Variants in DNMT3B observed in about 807,000 individuals in gnomAD.
DNMT3B encodes the protein DNA (cytosine-5)-methyltransferase 3B.
In DNMT3B, 37 loss-of-function variants were observed where a neutral mutation model predicts 120.2. The ratio of observed to expected loss-of-function variants is 0.31; its 90% CI spans 0.24 to 0.40. DNMT3B has a LOEUF of 0.40. Ranked by LOEUF, DNMT3B falls within the 10% of genes least tolerant of loss-of-function variation. The pLI is 1.00. For synonymous variants in DNMT3B, 412 were observed against 442.8 expected (o/e 0.93, Z 0.87); for missense variants, 878 against 1,137.3 (o/e 0.77, Z 3.28).
At chr20:32,792,527 T>A (rs1299871791) in intron 8 of DNMT3B, 99 bp from the exon 9 acceptor site, 6 of 1,599,110 alleles carry the variant, frequency 3.8e-6, no homozygotes, top group Non-Finnish European at 5.1e-6. Flanking sequence ...GGGCCCAGTG[T>A]GAAGGGGAAT....
At chr20:32,786,210 A>G (rs779182991) in intron 4 of DNMT3B, among the ~76,000 whole-genome samples, 16 of 152,170 alleles carry the variant, frequency 1.1e-4, no homozygotes, top group Admixed American at 2.6e-4. Context: ...TTCAATCCCA[A>G]TTGGCAGGTG....
At chr20:32,786,461 C>T (rs1158837846) in intron 4 of DNMT3B, 41 bp from the exon 5 acceptor site, 12 of 1,613,474 alleles carry the variant, frequency 7.4e-6, no homozygotes, top group Non-Finnish European at 1.0e-5. Context: ...CCCAGGCCTC[C>T]AGTCACCTAA....
At chr20:32,767,915 G>T (rs936018641) in intron 1 of DNMT3B, among the ~76,000 whole-genome samples, 11 of 152,352 alleles carry the variant, frequency 7.2e-5, no homozygotes, top group African/African-American at 2.6e-4. Context: ...GTATGTGTGT[G>T]TTCTGGGGCC....
At chr20:32,776,931 C>G (rs1988098230) in intron 1 of DNMT3B, among the ~76,000 whole-genome samples, 2 of 151,688 alleles carry the variant, frequency 1.3e-5, no homozygotes, top group Non-Finnish European at 2.9e-5. Flanking sequence ...TGCGTGTAGA[C>G]TGAAGCGGGG....
chr20:32,802,331 G>GAC (rs1981446309), intron 19 of DNMT3B, 54 bp from the exon 20 acceptor site: 1 of 1,584,814 alleles, frequency 6.3e-7, no homozygotes, highest in Non-Finnish European at 8.7e-7. Context: ...AGGTCTGGTT[G>GAC]ACACTGAAAC....
chr20:32,792,586 C>T, intron 8 of DNMT3B, 40 bp from the exon 9 acceptor site: 1 of 1,613,954 alleles, frequency 6.2e-7, no homozygotes, highest in South Asian at 1.1e-5. Flanking sequence ...CGAGCACCTC[C>T]TCCCCACCCC....
At chr20:32,789,412 G>A (rs1979704859) in intron 7 of DNMT3B, among the ~76,000 whole-genome samples, 1 of 152,192 alleles carries the variant, frequency 6.6e-6, no homozygotes, top group Non-Finnish European at 1.5e-5. Context: ...AAGGCATGGA[G>A]TTGGGTTTAG....
intron 20 of DNMT3B, among the ~76,000 whole-genome samples, chr20:32,803,625 T>C (rs1459533972): frequency 6.6e-6 from 1 of 152,202 alleles, no homozygotes; most frequent in African/African-American, 2.4e-5. Context: ...TTGGGGTTTA[T>C]TGCTGGCGGA....
chr20:32,798,366 G>T (rs1343239574), intron 14 of DNMT3B, 94 bp from the exon 15 acceptor site: 6 of 1,520,138 alleles, frequency 3.9e-6, no homozygotes, highest in Non-Finnish European at 5.4e-6. Context: ...AAGCTTTCAG[G>T]AGGGGGTTGG....
At chr20:32,783,220 C>G (rs1019027997) in intron 3 of DNMT3B, among the ~76,000 whole-genome samples, 20 of 152,322 alleles carry the variant, frequency 1.3e-4, no homozygotes, top group Middle Eastern at 3.4e-3. Context: ...AGCCACCATA[C>G]CTGGCCCATT....
rs150682895 is a variant in DNMT3B, at chr20:32,795,432, G to A, written c.1150G>A (p.Ala384Thr). The A allele has an allele frequency of 0.011, 16,952 of 1,614,144 alleles. 115 individuals are homozygous for A. Among genetic ancestry groups the A allele is most frequent in the Middle Eastern group, 0.016 (98 of 6,062 alleles). Residue 384 changes from alanine (A) to threonine (T), a missense_variant, in exon 11 of 23, where the codon GCT becomes ACT. This residue lies in a region of DNMT3B where 207 missense variants were observed against 222.6 expected (regional missense o/e 0.93). Coordinates refer to ENST00000328111, the MANE Select transcript of DNMT3B (RefSeq NM_006892.4). ...AGAGAACAAGACTCGAAGACGCACA[G>A]CTGACGACTCAGCCACCTCTGACTA... ...KYENKTRRRTADDSATSDYCP... is the reference protein window; with the variant it reads ...KYENKTRRRTTDDSATSDYCP...
At chr20:32,781,151 T>C (rs6058886) in intron 2 of DNMT3B, among the ~76,000 whole-genome samples, 7,732 of 152,290 alleles carry the variant, frequency 0.051, 228 homozygotes, top group South Asian at 0.074. Context: ...GTCACGTGCC[T>C]GGCCCAGGGC....
chr20:32,807,610 C>G lies in DNMT3B; in HGVS notation c.2421-152C>G. 6.9e-6 allele frequency: 8 copies of G among 1,164,632 alleles called. No individual in the cohort carries two copies. In the South Asian group the frequency reaches 8.7e-5, roughly 13 times the overall value. The allele number at this position is 1,164,632 out of a possible 1,614,324, so 72.1% of individuals were successfully genotyped here. Reference sequence around the variant, plus strand: ...TGTGAGCAATTTGTAAGCAAGTGTTCTGAATTAAGGGCTCTGAATTTAGGT... The same window carrying G: ...TGTGAGCAATTTGTAAGCAAGTGTTGTGAATTAAGGGCTCTGAATTTAGGT... On this transcript the variant is annotated intron_variant, in intron 22 of 22. Coordinates refer to ENST00000328111, the MANE Select transcript of DNMT3B (RefSeq NM_006892.4).
chr20:32,781,185 A>G lies in DNMT3B; in HGVS notation c.143-168A>G, dbSNP rs1039558471. Among the ~76,000 whole-genome samples the G allele has an allele frequency of 2.6e-5, 4 of 152,162 alleles. No individual in the cohort carries two copies. In the East Asian group the frequency reaches 7.7e-4, roughly 29 times the overall value. On this transcript the variant is annotated intron_variant, in intron 2 of 22. Coordinates refer to ENST00000328111, the MANE Select transcript of DNMT3B (RefSeq NM_006892.4). Reference sequence around the variant, plus strand: ...GCTCTGTTGTCTTAGGAATAAAATCAGTGGAGAAGATGAACGATACTGACG... The same window carrying G: ...GCTCTGTTGTCTTAGGAATAAAATCGGTGGAGAAGATGAACGATACTGACG...
chr20:32,798,785 T>C (rs770520030), intron 15 of DNMT3B, 142 bp downstream of exon 15: 2 of 1,238,166 alleles, frequency 1.6e-6, no homozygotes, highest in East Asian at 2.5e-5. Flanking sequence ...ACCTGGCGAA[T>C]TGCCAGCTCC....
At chr20:32,778,321 G>A (rs988835825) in intron 1 of DNMT3B, among the ~76,000 whole-genome samples, 1 of 150,764 alleles carries the variant, frequency 6.6e-6, no homozygotes, top group African/African-American at 2.4e-5. Context: ...GGCGGAGGTC[G>A]CACCACTGCA....
intron 5 of DNMT3B, among the ~76,000 whole-genome samples, chr20:32,786,844 G>C (rs1430189740): frequency 6.6e-6 from 1 of 152,226 alleles, no homozygotes; most frequent in Non-Finnish European, 1.5e-5. Context: ...GTTGGGAATG[G>C]AAGCTTTCCC....
At chr20:32,799,214 A>C (rs779958534) in intron 15 of DNMT3B, 30 bp from the exon 16 acceptor site, 3 of 1,599,150 alleles carry the variant, frequency 1.9e-6, no homozygotes, top group African/African-American at 1.3e-5. Flanking sequence ...CTGTGCCTTC[A>C]CCACCATGAC....
intron 3 of DNMT3B, 53 bp from the exon 4 acceptor site, chr20:32,784,705 G>C: frequency 1.3e-6 from 2 of 1,599,790 alleles, no homozygotes; most frequent in Non-Finnish European, 8.6e-7. Flanking sequence ...TTGTTTCTTT[G>C]ACTTGCTGAT....
Sources: allele counts gnomAD v4.1 joint callset (sites outside exome capture counted in the v4.1 genomes callset), GRCh38; gene constraint gnomAD v4.1.1; regional missense constraint gnomAD v4.1.1; transcripts MANE v1.5; gene names NCBI Gene and HGNC (gene_info 2026-07-23, HGNC 2026-07-21).